The following HFE variants were observed in gnomAD, a reference collection of about 807,000 sequenced individuals.
HFE encodes hereditary hemochromatosis protein.
In HFE, 36 loss-of-function variants were observed where a neutral mutation model predicts 40.9. The ratio of observed to expected loss-of-function variants is 0.88; its 90% CI spans 0.67 to 1.16. The LOEUF is 1.16. Among genes scored for constraint, HFE ranks in the 50% most tolerant of loss-of-function variants. The pLI is 0.00. For missense variants in HFE, 376 were observed against 432.0 expected, an observed-to-expected ratio of 0.87 and a Z score of 1.15; for synonymous variants, 157 against 165.4, an observed-to-expected ratio of 0.95 and a Z score of 0.39.
chr6:26,090,712 C>T (rs1004814206), intron 1 of HFE, 129 bp from the exon 2 acceptor site: 1 of 979,372 alleles, frequency 1.0e-6, no homozygotes, highest in Non-Finnish European at 1.6e-6. Flanking sequence ...AAAGACAGGA[C>T]TGCAACTCAC....
chr6:26,093,536 A>G (rs1003170474), intron 5 of HFE, among the ~76,000 whole-genome samples: 2 of 152,152 alleles, frequency 1.3e-5, no homozygotes, highest in Admixed American at 6.5e-5. Flanking sequence ...TGAAATTGAT[A>G]GCAAGTAAAT....
intron 3 of HFE, among the ~76,000 whole-genome samples, chr6:26,092,218 A>G (rs1762766868): frequency 6.6e-6 from 1 of 151,246 alleles, no homozygotes; most frequent in Non-Finnish European, 1.5e-5. Flanking sequence ...GATCTCAGCT[A>G]TCATATGAAT....
Position 26,093,231 on chromosome 6 carries a change from A to C in HFE, c.1005A>C (p.Ser335=). 1.2e-6 allele frequency: 2 copies of C among 1,604,116 alleles called. No homozygotes were observed. Among genetic ancestry groups the C allele is most frequent in the Non-Finnish European group, 1.7e-6 (2 of 1,170,876 alleles). The change falls in exon 5 of 6, where the codon TCA becomes TCC. Residue 335 remains serine, a splice_region_variant and synonymous_variant. Transcript: ENST00000357618. ...LFIILRKRQG[S]RGAMGHYVLA... is the part of the protein sequence containing the mutation. ...TAATATTAAGGAAGAGGCAGGGTTC[A>C]AGTGAGTAGGAACAAGGGGGAAGTC...
chr6:26,096,686 A>G lies in HFE; in HGVS notation c.*2460A>G. 1 of 424,504 alleles carries G rather than the reference A, an allele frequency of 2.4e-6. No individual in the cohort carries two copies. Among genetic ancestry groups the G allele is most frequent in the South Asian group, 1.7e-5 (1 of 58,268 alleles). 26.3% of individuals were successfully genotyped at this position (424,504 alleles called of 1,614,324 possible). A position where few individuals can be genotyped will look rare whatever the true frequency, so the allele number is the denominator to read the frequency against. ...AAAAAAGTAAATGTGATTTACGCTCATTGTAGAAAAGCTATAAAATGAATA... is the reference window on the plus strand; with the variant it reads ...AAAAAAGTAAATGTGATTTACGCTCGTTGTAGAAAAGCTATAAAATGAATA... On this transcript the variant is annotated 3_prime_UTR_variant, in exon 6 of 6. Coordinates refer to ENST00000357618, the MANE Select transcript of HFE (RefSeq NM_000410.4).
At position 26,094,588 on chromosome 6, in the gene HFE, A is replaced by T; in HGVS notation, c.*362A>T. On this transcript the variant is annotated 3_prime_UTR_variant, in exon 6 of 6. Transcript: ENST00000357618. ...TCCTTAAATTTGGGGGACTTACATG[A>T]TTCATTTTAACATCTGAGAAAAGCT... is the stretch of plus-strand genomic sequence containing the variant. 1 of 639,986 alleles carries T rather than the reference A, an allele frequency of 1.6e-6. No individual in the cohort carries two copies. Among genetic ancestry groups the T allele is most frequent in the East Asian group, 2.7e-5 (1 of 36,672 alleles). The allele number at this position is 639,986 out of a possible 1,614,324, so 39.6% of individuals were successfully genotyped here.
chr6:26,094,559 G>A lies in HFE; in HGVS notation c.*333G>A. 1 of 667,504 alleles carries A rather than the reference G, an allele frequency of 1.5e-6. No individual in the cohort carries two copies. Among genetic ancestry groups the A allele is most frequent in the Non-Finnish European group, 2.7e-6 (1 of 369,702 alleles). 41.3% of individuals were successfully genotyped at this position (667,504 alleles called of 1,614,324 possible). ...CATTTCATTTCCTATTTTTGGAAGAGGACTCCTTAAATTTGGGGGACTTAC... is the reference window on the plus strand; with the variant it reads ...CATTTCATTTCCTATTTTTGGAAGAAGACTCCTTAAATTTGGGGGACTTAC... On this transcript the variant is annotated 3_prime_UTR_variant, in exon 6 of 6. Coordinates refer to ENST00000357618, the MANE Select transcript of HFE (RefSeq NM_000410.4).
Position 26,097,726 on chromosome 6 carries a change from A to G in HFE, c.*3500A>G, listed in dbSNP as rs1399391223. 1 of 152,242 alleles carries G rather than the reference A, an allele frequency of 6.6e-6. No homozygotes were observed. Among genetic ancestry groups the G allele is most frequent in the East Asian group, 1.9e-4 (1 of 5,204 alleles). 9.4% of individuals were successfully genotyped at this position (152,242 alleles called of 1,614,324 possible). ...AGGAAAACAAACCACTCTGATAATCATTGAGTCAAGTACAGCAGGTGATTG... is the reference window on the plus strand; with the variant it reads ...AGGAAAACAAACCACTCTGATAATCGTTGAGTCAAGTACAGCAGGTGATTG... On this transcript the variant is annotated 3_prime_UTR_variant, in exon 6 of 6. Transcript: ENST00000357618.
At chr6:26,091,739 C>G (rs1762724149) in intron 3 of HFE, 150 bp downstream of exon 3, 1 of 764,326 alleles carries the variant, frequency 1.3e-6, no homozygotes, top group Non-Finnish European at 2.2e-6. Flanking sequence ...CCTAGAGTCT[C>G]TACCTTATAA....
At chr6:26,090,442 C>CA (rs56267433) in intron 1 of HFE, among the ~76,000 whole-genome samples, 552 of 36,684 alleles carry the variant, frequency 0.015, 89 homozygotes, top group African/African-American at 0.032. Flanking sequence ...GACTCTGTCT[C>CA]AAAAAAAAAA....
At chr6:26,092,277 T>C (rs1362435625) in intron 3 of HFE, among the ~76,000 whole-genome samples, 2 of 151,988 alleles carry the variant, frequency 1.3e-5, no homozygotes, top group Admixed American at 6.6e-5. Context: ...AGAAGAATCC[T>C]TTAGGTTAAA....
intron 5 of HFE, 95 bp from the exon 6 acceptor site, chr6:26,094,091 T>C (rs1030500405): frequency 8.3e-7 from 1 of 1,201,638 alleles, no homozygotes; most frequent in Non-Finnish European, 1.2e-6. Flanking sequence ...CAGGTCTAAA[T>C]TGAGATGGGT....
In HFE at chr6:26,097,590, G is replaced by C. The variant is rs1461226969; in HGVS notation, c.*3364G>C. On this transcript the variant is annotated 3_prime_UTR_variant, in exon 6 of 6. Transcript: ENST00000357618. ...GGGCGTGCACTGGAAATCACTTGTAGAGAAAAGCCCCTGAAAATTTGAGAA... is the reference window on the plus strand; with the variant it reads ...GGGCGTGCACTGGAAATCACTTGTACAGAAAAGCCCCTGAAAATTTGAGAA... The C allele has an allele frequency of 6.6e-6, 1 of 152,146 alleles. No homozygotes were observed. Among genetic ancestry groups the C allele is most frequent in the Non-Finnish European group, 1.5e-5 (1 of 68,034 alleles). The allele number at this position is 152,146 out of a possible 1,614,324, so 9.4% of individuals were successfully genotyped here. A position where few individuals can be genotyped will look rare whatever the true frequency, so the allele number is the denominator to read the frequency against.
rs1430349586 is a variant in HFE at position 26,096,556 on chromosome 6, A to G, written c.*2330A>G. Reference sequence around the variant, plus strand: ...TGAAGGGCAGGTGCTTCAGGATACCATATACAGCTCAGAAGTTTCTTCTTT... The same window carrying G: ...TGAAGGGCAGGTGCTTCAGGATACCGTATACAGCTCAGAAGTTTCTTCTTT... On this transcript the variant is annotated 3_prime_UTR_variant, in exon 6 of 6. Coordinates refer to ENST00000357618, the MANE Select transcript of HFE (RefSeq NM_000410.4). 2.2e-6 allele frequency: 1 copy of G among 456,378 alleles called. No individual in the cohort carries two copies. Among genetic ancestry groups the G allele is most frequent in the East Asian group, 6.9e-5 (1 of 14,410 alleles). 28.3% of individuals were successfully genotyped at this position (456,378 alleles called of 1,614,324 possible). A position where few individuals can be genotyped will look rare whatever the true frequency, so the allele number is the denominator to read the frequency against.
At position 26,095,212 on chromosome 6, in the gene HFE, G is replaced by C. The variant is rs924997105; in HGVS notation, c.*986G>C. ...TTAAATGAAGAAAGTGAAGTAGGCC[G>C]GGCACGGTGGCTCACGCCTGTAATC... is the stretch of plus-strand genomic sequence containing the variant. On this transcript the variant is annotated 3_prime_UTR_variant, in exon 6 of 6. Transcript: ENST00000357618. The C allele has an allele frequency of 6.6e-6, 1 of 152,228 alleles. No homozygotes were observed. Among genetic ancestry groups the C allele is most frequent in the Non-Finnish European group, 1.5e-5 (1 of 68,088 alleles). The allele number at this position is 152,228 out of a possible 1,614,324, so 9.4% of individuals were successfully genotyped here.
chr6:26,090,951 C>G lies in HFE; in HGVS notation c.187C>G (p.His63Asp), dbSNP rs1799945. 0.13 allele frequency: 212,957 copies of G among 1,613,898 alleles called. 15,277 individuals are homozygous for G. The highest frequency in any genetic ancestry group is 0.15 in the Non-Finnish European group (177,167 of 1,179,864). Residue 63 changes from histidine (H) to aspartate (D), a missense_variant, in exon 2 of 6, where the codon CAT (histidine) becomes GAT (aspartate). Physicochemically the swap from His to Asp is moderately conservative, Grantham distance 81. Around this residue, in one of 3 missense-constraint regions of HFE, gnomAD observed 200 missense variants for 228.5 expected, o/e 0.88. Coordinates refer to ENST00000357618, the MANE Select transcript of HFE (RefSeq NM_000410.4). Reference protein sequence around the residue: ...VDDQLFVFYDHESRRVEPRTP... With the variant: ...VDDQLFVFYDDESRRVEPRTP... ...TGACCAGCTGTTCGTGTTCTATGATCATGAGAGTCGCCGTGTGGAGCCCCG... is the reference window on the plus strand; with the variant it reads ...TGACCAGCTGTTCGTGTTCTATGATGATGAGAGTCGCCGTGTGGAGCCCCG...
In HFE at chr6:26,087,445, G is replaced by C; in HGVS notation, c.5G>C (p.Gly2Ala). M[G>A]PRARPALLLL... ...CGTGCGGCCAGAGCTGGGGAAATGG[G>C]CCCGCGAGCCAGGCCGGCGCTTCTC... Residue 2 changes from glycine to alanine, a missense_variant, in exon 1 of 6, where the codon GGC (glycine) becomes GCC (alanine). Physicochemically the swap from Gly to Ala is moderately conservative, Grantham distance 60. Coordinates refer to ENST00000357618, the MANE Select transcript of HFE (RefSeq NM_000410.4). 6.2e-7 allele frequency: 1 copy of C among 1,614,046 alleles called. No homozygotes were observed. The highest frequency in any genetic ancestry group is 8.5e-7 in the Non-Finnish European group (1 of 1,179,994).
intron 4 of HFE, 37 bp from the exon 5 acceptor site, chr6:26,093,082 G>A: frequency 2.5e-6 from 4 of 1,613,018 alleles, no homozygotes; most frequent in Non-Finnish European, 3.4e-6. Flanking sequence ...GGCTGAGGGT[G>A]GCAATCAAAG....
intron 3 of HFE, 25 bp from the exon 4 acceptor site, chr6:26,092,660 C>T: frequency 3.1e-6 from 5 of 1,614,214 alleles, no homozygotes; most frequent in Non-Finnish European, 4.2e-6. Flanking sequence ...ATCCCCTCTC[C>T]TCATCCTTCC....
chr6:26,093,887 A>T (rs530110728), intron 5 of HFE, among the ~76,000 whole-genome samples: 1 of 152,140 alleles, frequency 6.6e-6, no homozygotes, highest in African/African-American at 2.4e-5. Flanking sequence ...GCTCATACAG[A>T]GTCCAAGGGT....
Sources: gnomAD v4.1 joint callset for allele counts (sites outside exome capture counted in the v4.1 genomes callset) on GRCh38, gnomAD v4.1.1 for gene constraint, gnomAD v4.1.1 regional missense constraint, MANE v1.5 for transcripts, NCBI Gene and HGNC (gene_info 2026-07-23, HGNC 2026-07-21) for gene names.